HIP1R: variants seen among roughly 807,000 people sequenced by gnomAD.
HIP1R encodes huntingtin-interacting protein 1-related protein.
Under a neutral mutation model 144.2 loss-of-function variants are expected in HIP1R, and 135 were observed. The ratio of observed to expected loss-of-function variants is 0.94; its 90% CI spans 0.81 to 1.08. The LOEUF (loss-of-function observed/expected upper bound fraction) is 1.08. Ranked by LOEUF, HIP1R falls within the 50% of genes least tolerant of loss-of-function variation. The probability of loss-of-function intolerance (pLI) is 0.00; values close to 1 mark genes in which losing one functional copy is unlikely to be tolerated. For synonymous variants in HIP1R, 698 were observed against 612.8 expected (o/e 1.14, Z -2.05); for missense variants, 1,462 against 1,432.8 (o/e 1.02, Z -0.33).
intron 6 of HIP1R, 140 bp from the exon 7 acceptor site, chr12:122,851,096 T>C (rs2033380419): frequency 1.1e-6 from 1 of 870,730 alleles, no homozygotes; most frequent in African/African-American, 1.8e-5. Context: ...CTTGAAGGAC[T>C]GTCGTCCTGG....
chr12:122,853,900 G>T, intron 7 of HIP1R, 143 bp from the exon 8 acceptor site: 1 of 950,510 alleles, frequency 1.1e-6, no homozygotes, highest in Non-Finnish European at 1.5e-6. Flanking sequence ...GCAGCCACCA[G>T]CACATGAGGC....
In HIP1R at chr12:122,861,368, C is replaced by G. The variant is rs368669549; in HGVS notation, c.3013C>G (p.Arg1005Gly). ...TGAACGCATGCGGCTGGGGGAGTTG[C>G]GGAAGCAACACTACGTGCTGGCTGG... ...EAERMRLGELRKQHYVLAGAS... is the reference protein window; with the variant it reads ...EAERMRLGELGKQHYVLAGAS... The change falls in exon 31 of 32, where the codon CGG becomes GGG. Residue 1005 changes from arginine to glycine, a missense_variant. By Grantham distance (125) the Arg-to-Gly change is moderately radical. Transcript: ENST00000253083. 1.9e-6 allele frequency: 3 copies of G among 1,613,422 alleles called. No individual in the cohort carries two copies. Among genetic ancestry groups the G allele is most frequent in the African/African-American group, 2.7e-5 (2 of 74,870 alleles).
chr12:122,855,694 A>C lies in HIP1R; in HGVS notation c.1055+82A>C, dbSNP rs544863738. 5 of 1,525,948 alleles carry C rather than the reference A, an allele frequency of 3.3e-6. No individual in the cohort carries two copies. In the South Asian group the frequency reaches 4.8e-5, roughly 15 times the overall value. 94.5% of individuals were successfully genotyped at this position (1,525,948 alleles called of 1,614,324 possible). On this transcript the variant is annotated intron_variant, in intron 12 of 31. Transcript: ENST00000253083. Reference sequence around the variant, plus strand: ...CTGTGCTCTGGACAGTTCTGTCTGGAAAGGCCATAGGTGGGGAACATGAAC... The same window carrying C: ...CTGTGCTCTGGACAGTTCTGTCTGGCAAGGCCATAGGTGGGGAACATGAAC...
chr12:122,838,576 C>G (rs926722264), intron 1 of HIP1R, among the ~76,000 whole-genome samples: 2 of 152,208 alleles, frequency 1.3e-5, no homozygotes, highest in African/African-American at 4.8e-5. Context: ...CCATACAGAT[C>G]GTTCCAGCTA....
chr12:122,842,539 T>A (rs2033084971), intron 1 of HIP1R, among the ~76,000 whole-genome samples: 2 of 152,136 alleles, frequency 1.3e-5, no homozygotes, highest in Admixed American at 6.5e-5. Context: ...AAGGAAGATG[T>A]CCCTGTATTC....
At position 122,856,436 on chromosome 12, in the gene HIP1R, C is replaced by T. The variant is rs145838976; in HGVS notation, c.1406C>T (p.Ala469Val). 13 of 1,594,898 alleles carry T rather than the reference C, an allele frequency of 8.2e-6. No individual in the cohort carries two copies. The highest frequency in any genetic ancestry group is 2.3e-5 in the East Asian group (1 of 43,878). Residue 469 changes from alanine (A) to valine (V), a missense_variant, in exon 16 of 32, where the codon GCG becomes GTG. Coordinates refer to ENST00000253083, the MANE Select transcript of HIP1R (RefSeq NM_003959.3). ...GCCCTTCCCCTGCCCATGCAGAACG[C>T]GGACACAGCCAAGCAGCTGACGGTG... ...HVHAELLRKN[A>V]DTAKQLTVTQ...
In HIP1R at chr12:122,856,453, CTGACGG is replaced by C; in HGVS notation, c.1429_1434del (p.Val477_Thr478del). 6.3e-7 allele frequency: 1 copy of C among 1,590,386 alleles called. No homozygotes were observed. Among genetic ancestry groups the C allele is most frequent in the South Asian group, 1.1e-5 (1 of 88,376 alleles). ...GCAGAACGCGGACACAGCCAAGCAGCTGACGGTGACGCAGCAAAGCCAGGAGGAGGT... is the reference window on the plus strand; with the variant it reads ...GCAGAACGCGGACACAGCCAAGCAGCTGACGCAGCAAAGCCAGGAGGAGGT... On this transcript the variant is annotated inframe_deletion, in exon 16 of 32. Transcript: ENST00000253083.
At chr12:122,839,947 G>C (rs1357967949) in intron 1 of HIP1R, among the ~76,000 whole-genome samples, 1 of 152,224 alleles carries the variant, frequency 6.6e-6, no homozygotes, top group Non-Finnish European at 1.5e-5. Flanking sequence ...TCACCTGGTG[G>C]CTTTTAGAAA....
Position 122,848,057 on chromosome 12 carries a change from C to T in HIP1R, c.120C>T (p.Asn40=). 1 of 1,613,710 alleles carries T rather than the reference C, an allele frequency of 6.2e-7. No individual in the cohort carries two copies. The highest frequency in any genetic ancestry group is 1.7e-5 in the Admixed American group (1 of 60,026). ...TQAISISKAI[N]TQEAPVKEKH... ...CCATCAGCATCAGCAAAGCCATCAA[C>T]ACCCAGGAGGCCCCCGTGAAGGAGA... The change falls in exon 2 of 32, where the codon AAC becomes AAT. Residue 40 remains asparagine, a synonymous_variant. Coordinates refer to ENST00000253083, the MANE Select transcript of HIP1R (RefSeq NM_003959.3).
rs1350815095 is a variant in HIP1R at position 122,836,016 on chromosome 12, C to T, written c.93+373C>T. 2.0e-5 allele frequency among the ~76,000 whole-genome samples: 3 copies of T among 151,474 alleles called. No individual in the cohort carries two copies. The highest frequency in any genetic ancestry group is 2.0e-4 in the East Asian group (1 of 5,104). On this transcript the variant is annotated intron_variant, in intron 1 of 31. Coordinates refer to ENST00000253083, the MANE Select transcript of HIP1R (RefSeq NM_003959.3). The surrounding 1 kb of genome is among the most constrained non-coding windows in gnomAD (Gnocchi z 4.1). Reference sequence around the variant, plus strand: ...GGGTTGGGTGTGCGCGAGCCCAGCGCGCCGGGGGTCGAGGGGGCTGGGGAT... The same window carrying T: ...GGGTTGGGTGTGCGCGAGCCCAGCGTGCCGGGGGTCGAGGGGGCTGGGGAT...
chr12:122,848,653 T>C, intron 3 of HIP1R, 45 bp downstream of exon 3: 1 of 1,597,582 alleles, frequency 6.3e-7, no homozygotes, highest in East Asian at 2.2e-5. Flanking sequence ...TGGGGCACTG[T>C]CCCGCGGACA....
intron 20 of HIP1R, 38 bp downstream of exon 20, chr12:122,858,473 G>C: frequency 6.6e-7 from 1 of 1,512,998 alleles, no homozygotes. Context: ...CGGGGGCTGT[G>C]TCCCAGTTCC....
At chr12:122,845,955 TTCCTCAGTGTCAGG>T (rs1261890636) in intron 1 of HIP1R, among the ~76,000 whole-genome samples, 1 of 152,196 alleles carries the variant, frequency 6.6e-6, no homozygotes, top group Non-Finnish European at 1.5e-5. Flanking sequence ...ATCCCGGGGT[TTCCTCAGTGTCAGG>T]AGAAACCCCC....
intron 10 of HIP1R, 47 bp from the exon 11 acceptor site, chr12:122,855,218 G>A: frequency 1.2e-6 from 2 of 1,610,968 alleles, no homozygotes; most frequent in Non-Finnish European, 1.7e-6. Flanking sequence ...CGGAAGGAGG[G>A]CTTGCTTAGG....
At chr12:122,855,523 G>A (rs766122075) in intron 11 of HIP1R, 28 bp from the exon 12 acceptor site, 4 of 1,549,282 alleles carry the variant, frequency 2.6e-6, no homozygotes, top group Non-Finnish European at 3.5e-6. Context: ...GCACAGGTGA[G>A]TGGGGTCACC....
Position 122,861,050 on chromosome 12 carries a change from G to A in HIP1R, c.2890+11G>A. ...AGATTGAGGACAGAGGTGAGTGCCA[G>A]ATGCCAACGGGGGCTGCTGGCTCCC... On this transcript the variant is annotated intron_variant, in intron 29 of 31. Transcript: ENST00000253083. The A allele has an allele frequency of 1.9e-6, 3 of 1,613,672 alleles. No individual in the cohort carries two copies. Among genetic ancestry groups the A allele is most frequent in the Non-Finnish European group, 2.5e-6 (3 of 1,180,010 alleles).
Position 122,861,375 on chromosome 12 carries a change from A to G in HIP1R, c.3020A>G (p.Gln1007Arg), listed in dbSNP as rs1397382274. The change falls in exon 31 of 32, where the codon CAA becomes CGA. Residue 1007 changes from glutamine (Q) to arginine (R), a missense_variant. This residue lies in a region of HIP1R where 1,112 missense variants were observed against 1,011.7 expected (regional missense o/e 1.10). Coordinates refer to ENST00000253083, the MANE Select transcript of HIP1R (RefSeq NM_003959.3). ...ATGCGGCTGGGGGAGTTGCGGAAGC[A>G]ACACTACGTGCTGGCTGGGGCATCA... ...ERMRLGELRKQHYVLAGASGS... is the reference protein window; with the variant it reads ...ERMRLGELRKRHYVLAGASGS... 1.9e-6 allele frequency: 3 copies of G among 1,613,554 alleles called. No homozygotes were observed. The South Asian group carries it at 3.3e-5, about 18-fold the overall frequency.
At position 122,856,268 on chromosome 12, in the gene HIP1R, C is replaced by T. The variant is rs764394770; in HGVS notation, c.1325C>T (p.Ala442Val). ...CTCTCGCCCCCAGGGAAGGCCAGTG[C>T]CACGGAGGCGCGCTACAACAAGCTG... Reference protein sequence around the residue: ...LREEAERKASATEARYNKLKE... With the variant: ...LREEAERKASVTEARYNKLKE... Residue 442 changes from alanine (A) to valine (V), a missense_variant, in exon 15 of 32, where the codon GCC (alanine) becomes GTC (valine). Physicochemically the swap from Ala to Val is moderately conservative, Grantham distance 64 (BLOSUM62 0). Transcript: ENST00000253083. 6 of 1,613,666 alleles carry T rather than the reference C, an allele frequency of 3.7e-6. No individual in the cohort carries two copies. The highest frequency in any genetic ancestry group is 3.4e-6 in the Non-Finnish European group (4 of 1,179,974).
At chr12:122,835,868 C>A (rs1405002162) in intron 1 of HIP1R, among the ~76,000 whole-genome samples, 1 of 150,332 alleles carries the variant, frequency 6.7e-6, no homozygotes, top group Non-Finnish European at 1.5e-5. Flanking sequence ...GAACCGGAAG[C>A]CGCGCTCCCC....
Sources: allele counts gnomAD v4.1 joint callset (sites outside exome capture counted in the v4.1 genomes callset), GRCh38; gene constraint gnomAD v4.1.1; regional missense constraint gnomAD v4.1.1; non-coding constraint Gnocchi (gnomAD v3.1); transcripts MANE v1.5; gene names NCBI Gene and HGNC (gene_info 2026-07-23, HGNC 2026-07-21).